Variants in MAP3K2 observed in about 807,000 individuals in gnomAD.
The protein encoded by MAP3K2 is MAP/ERK kinase kinase 2.
A neutral mutation model predicts 80.3 loss-of-function variants in MAP3K2; 24 were observed. That is an observed-to-expected ratio of 0.30 (90% CI 0.22 to 0.42). The LOEUF (loss-of-function observed/expected upper bound fraction) is 0.42. MAP3K2 is among the 10% of genes least tolerant of loss of function. The pLI is 1.00. For synonymous variants in MAP3K2, 244 were observed against 253.7 expected (o/e 0.96, Z 0.36); for missense variants, 608 against 750.1 (o/e 0.81, Z 2.21).
At chr2:127,344,657 G>A (rs114232575) in intron 1 of MAP3K2, among the ~76,000 whole-genome samples, 2,166 of 152,130 alleles carry the variant, frequency 0.014, 46 homozygotes, top group African/African-American at 0.05. Flanking sequence ...GCAAGACCCT[G>A]TCTCGAAAAC....
At chr2:127,340,993 C>CG (rs1327955298) in intron 2 of MAP3K2, among the ~76,000 whole-genome samples, 3 of 151,178 alleles carry the variant, frequency 2.0e-5, no homozygotes, top group Non-Finnish European at 4.4e-5. Context: ...TTGGGGGGGA[C>CG]GGGGGAAGCA....
Position 127,387,471 on chromosome 2 carries a change from TAGAG to T in MAP3K2, c.-89_-86del, listed in dbSNP as rs1687387275. ...ACGTACCGGCTGCTCCGCAGGGACG[TAGAG>T]AGCCGCAGGCCCAAGGAGGGGCCGC... On this transcript the variant is annotated 5_prime_UTR_variant, in exon 1 of 17. Transcript: ENST00000682094. 1 of 982,682 alleles carries T rather than the reference TAGAG, an allele frequency of 1.0e-6. No homozygotes were observed. The highest frequency in any genetic ancestry group is 1.8e-5 in the African/African-American group (1 of 55,726). The allele number at this position is 982,682 out of a possible 1,614,324, so 60.9% of individuals were successfully genotyped here. A position where few individuals can be genotyped will look rare whatever the true frequency, so the allele number is the denominator to read the frequency against.
intron 14 of MAP3K2, chr2:127,316,857 A>G (rs13429925): frequency 0.21 from 32,307 of 152,142 alleles, 3,557 homozygotes; most frequent in South Asian, 0.34. Context: ...GGATAAAGAA[A>G]CAAATTAAAA....
chr2:127,382,986 T>C (rs1687272760), intron 1 of MAP3K2, among the ~76,000 whole-genome samples: 1 of 152,204 alleles, frequency 6.6e-6, no homozygotes, highest in African/African-American at 2.4e-5. Context: ...ACTGGAAGCA[T>C]GGTGCTGGCA....
chr2:127,357,502 A>C (rs1686816796), intron 1 of MAP3K2, among the ~76,000 whole-genome samples: 1 of 152,198 alleles, frequency 6.6e-6, no homozygotes, highest in South Asian at 2.1e-4. Context: ...AGAAGAATAG[A>C]ACAGAACAGA....
At position 127,322,267 on chromosome 2, in the gene MAP3K2, G is replaced by C. The variant is rs994862701; in HGVS notation, c.839-15C>G. On this transcript the variant is annotated splice_polypyrimidine_tract_variant and intron_variant, in intron 11 of 16. Transcript: ENST00000682094. This position sits in a 1 kb window ranked among gnomAD's most constrained non-coding sequence, Gnocchi z 4.2. ...AGTTTTACGACCTAAAAAATGAAAA[G>C]AGAATGACCTTATACCTTTTATTAA... 3.9e-6 allele frequency: 6 copies of C among 1,523,232 alleles called. No homozygotes were observed. Among genetic ancestry groups the C allele is most frequent in the Non-Finnish European group, 5.5e-6 (6 of 1,098,280 alleles). 94.4% of individuals were successfully genotyped at this position (1,523,232 alleles called of 1,614,324 possible). A position where few individuals can be genotyped will look rare whatever the true frequency, so the allele number is the denominator to read the frequency against.
chr2:127,381,497 A>G (rs1687245701), intron 1 of MAP3K2, among the ~76,000 whole-genome samples: 1 of 152,228 alleles, frequency 6.6e-6, no homozygotes, highest in Non-Finnish European at 1.5e-5. Flanking sequence ...ACCTAGCTGG[A>G]TATTTTTTAA....
chr2:127,323,588 G>C (rs1349581714), intron 11 of MAP3K2, among the ~76,000 whole-genome samples: 1 of 151,904 alleles, frequency 6.6e-6, no homozygotes, highest in African/African-American at 2.4e-5. Flanking sequence ...CTGAACTCAG[G>C]AAGCCAAGGC....
intron 1 of MAP3K2, among the ~76,000 whole-genome samples, chr2:127,382,059 G>A (rs1687255970): frequency 6.6e-6 from 1 of 152,148 alleles, no homozygotes; most frequent in Non-Finnish European, 1.5e-5. Context: ...AGATCAAAAA[G>A]CCTTAACAAC....
intron 1 of MAP3K2, among the ~76,000 whole-genome samples, chr2:127,372,008 C>A (rs932957233): frequency 1.3e-5 from 2 of 152,178 alleles, no homozygotes; most frequent in African/African-American, 4.8e-5. Flanking sequence ...CTCAGAGCAA[C>A]CACCACTGGG....
In MAP3K2 at chr2:127,300,063, T is replaced by G. The variant is rs1685561469; in HGVS notation, c.*7516A>C. On this transcript the variant is annotated 3_prime_UTR_variant, in exon 17 of 17. Coordinates refer to ENST00000682094, the MANE Select transcript of MAP3K2 (RefSeq NM_001371910.2). ...TTTCTAATTTCTATTAATGTCGAACTCCTGAGTTCTTCAACAAAGAACCAT... is the reference window on the plus strand; with the variant it reads ...TTTCTAATTTCTATTAATGTCGAACGCCTGAGTTCTTCAACAAAGAACCAT... 6.6e-6 allele frequency: 1 copy of G among 152,098 alleles called. No homozygotes were observed. The highest frequency in any genetic ancestry group is 1.5e-5 in the Non-Finnish European group (1 of 67,988). The allele number at this position is 152,098 out of a possible 1,614,324, so 9.4% of individuals were successfully genotyped here. A position where few individuals can be genotyped will look rare whatever the true frequency, so the allele number is the denominator to read the frequency against.
rs1685638238 is a variant in MAP3K2, at chr2:127,303,587, G to A, written c.*3992C>T. On this transcript the variant is annotated 3_prime_UTR_variant, in exon 17 of 17. Coordinates refer to ENST00000682094, the MANE Select transcript of MAP3K2 (RefSeq NM_001371910.2). ...AAAAATAACATTTTAAAACATCATT[G>A]CTGAACTTTCAGAGTTAGCGTATGC... The A allele has an allele frequency of 6.6e-6, 1 of 151,966 alleles. No homozygotes were observed. The highest frequency in any genetic ancestry group is 2.1e-4 in the South Asian group (1 of 4,824). 9.4% of individuals were successfully genotyped at this position (151,966 alleles called of 1,614,324 possible). A position where few individuals can be genotyped will look rare whatever the true frequency, so the allele number is the denominator to read the frequency against.
rs35382458 is a variant in MAP3K2 at position 127,333,277 on chromosome 2, A to AACACAC, written c.264+2587_264+2592dup. Among the ~76,000 whole-genome samples the AACACAC allele has an allele frequency of 3.0e-3, 438 of 144,868 alleles. 4 individuals carry two copies. The highest frequency in any genetic ancestry group is 8.3e-3 in the African/African-American group (328 of 39,480). On this transcript the variant is annotated intron_variant, in intron 5 of 16. Coordinates refer to ENST00000682094, the MANE Select transcript of MAP3K2 (RefSeq NM_001371910.2). ...GAACACCTCCACAACCAACCCTCAT[A>AACACAC]ACACACACACACACACACACACACA...
intron 1 of MAP3K2, among the ~76,000 whole-genome samples, chr2:127,374,897 C>G (rs1332804144): frequency 6.6e-6 from 1 of 152,124 alleles, no homozygotes; most frequent in African/African-American, 2.4e-5. Context: ...CGTACCCAAT[C>G]CAGCCTTAAA....
intron 1 of MAP3K2, among the ~76,000 whole-genome samples, chr2:127,373,037 G>A (rs970668351): frequency 2.0e-5 from 3 of 152,196 alleles, no homozygotes; most frequent in African/African-American, 7.2e-5. Context: ...TCCCCTAGCA[G>A]AAGAGGACAG....
chr2:127,380,555 A>C (rs1338152413), intron 1 of MAP3K2, among the ~76,000 whole-genome samples: 2 of 152,182 alleles, frequency 1.3e-5, no homozygotes, highest in Non-Finnish European at 2.9e-5. Flanking sequence ...AGGGAATCTA[A>C]AGATTCTAAC....
intron 1 of MAP3K2, among the ~76,000 whole-genome samples, chr2:127,358,453 T>C (rs1047163274): frequency 6.6e-6 from 1 of 152,224 alleles, no homozygotes; most frequent in Non-Finnish European, 1.5e-5. Context: ...AAAACTTAGA[T>C]CTACACAAAA....
At chr2:127,371,368 C>G (rs1484021786) in intron 1 of MAP3K2, among the ~76,000 whole-genome samples, 1 of 152,138 alleles carries the variant, frequency 6.6e-6, no homozygotes, top group Non-Finnish European at 1.5e-5. Flanking sequence ...GGCCTATGCA[C>G]AAGTGTCTTT....
chr2:127,337,156 C>A (rs536731439), intron 4 of MAP3K2, among the ~76,000 whole-genome samples: 4 of 151,932 alleles, frequency 2.6e-5, no homozygotes, highest in African/African-American at 9.6e-5. Flanking sequence ...AAAAAAAATT[C>A]TATCGGCCTT....
Sources: gnomAD v4.1 joint callset for allele counts (sites outside exome capture counted in the v4.1 genomes callset) on GRCh38, gnomAD v4.1.1 for gene constraint, Gnocchi (gnomAD v3.1) non-coding constraint, MANE v1.5 for transcripts, NCBI Gene and HGNC (gene_info 2026-07-23, HGNC 2026-07-21) for gene names.